Variants in PCDH9 observed in about 807,000 individuals in gnomAD.
The protein encoded by PCDH9 is protocadherin 9, also known as protocadherin-9.
In PCDH9, 24 loss-of-function variants were observed where a neutral mutation model predicts 70.6. The observed-to-expected ratio is 0.34, with a 90% CI of 0.25 to 0.48. The LOEUF is 0.48. Ranked by LOEUF, PCDH9 falls within the 20% of genes least tolerant of loss-of-function variation. The probability of loss-of-function intolerance (pLI) is 0.99; values close to 1 mark genes in which losing one functional copy is unlikely to be tolerated. For synonymous variants in PCDH9, 562 were observed against 558.5 expected, an observed-to-expected ratio of 1.01 and a Z score of -0.09; for missense variants, 1,281 against 1,503.6, an observed-to-expected ratio of 0.85 and a Z score of 2.45.
intron 4 of PCDH9, among the ~76,000 whole-genome samples, chr13:66,532,440 A>G (rs1247587930): frequency 6.6e-6 from 1 of 152,232 alleles, no homozygotes; most frequent in Non-Finnish European, 1.5e-5. Flanking sequence ...GACACTAAAA[A>G]TGAACTGTAA....
intron 3 of PCDH9, among the ~76,000 whole-genome samples, chr13:66,735,045 AG>A (rs2079127380): frequency 6.6e-6 from 1 of 152,214 alleles, no homozygotes; most frequent in South Asian, 2.1e-4. Context: ...TAGCTTGTTC[AG>A]TCACATGAAT....
intron 2 of PCDH9, among the ~76,000 whole-genome samples, chr13:66,951,947 T>A (rs1043808030): frequency 6.6e-6 from 1 of 151,192 alleles, no homozygotes; most frequent in Non-Finnish European, 1.5e-5. Context: ...ACATGGGGGG[T>A]GTTGTAATTA....
chr13:67,126,347 T>C lies in PCDH9; in HGVS notation c.3036+99058A>G, dbSNP rs575919119. Among the ~76,000 whole-genome samples, 3 of 152,256 alleles carry C rather than the reference T, an allele frequency of 2.0e-5. No homozygotes were observed. The East Asian group carries it at 5.8e-4, about 29-fold the overall frequency. Reference sequence around the variant, plus strand: ...AAAATATCAATTTAAAAACATATGGTTTTTTTAAAGATTGAATTTGTAGAT... The same window carrying C: ...AAAATATCAATTTAAAAACATATGGCTTTTTTAAAGATTGAATTTGTAGAT... On this transcript the variant is annotated intron_variant, in intron 2 of 4. Coordinates refer to ENST00000377865, the MANE Select transcript of PCDH9 (RefSeq NM_203487.3).
chr13:67,117,576 A>G (rs1052232856), intron 2 of PCDH9, among the ~76,000 whole-genome samples: 2 of 152,132 alleles, frequency 1.3e-5, no homozygotes, highest in Non-Finnish European at 2.9e-5. Context: ...TAAAGTATAA[A>G]TTTGTAGCCT....
At chr13:66,776,042 A>G (rs180709188) in intron 3 of PCDH9, among the ~76,000 whole-genome samples, 9 of 152,246 alleles carry the variant, frequency 5.9e-5, no homozygotes, top group African/African-American at 2.4e-5. Context: ...GTTGTTCAGG[A>G]TCTCACTCTG....
chr13:66,471,321 T>C (rs988834454), intron 4 of PCDH9, among the ~76,000 whole-genome samples: 1 of 152,196 alleles, frequency 6.6e-6, no homozygotes, highest in Non-Finnish European at 1.5e-5. Context: ...TAGCAGTAAC[T>C]CAGCTTCTGT....
intron 2 of PCDH9, among the ~76,000 whole-genome samples, chr13:67,193,856 C>G (rs1179688857): frequency 6.6e-6 from 1 of 152,084 alleles, no homozygotes; most frequent in Non-Finnish European, 1.5e-5. Context: ...GAAGTGAAAC[C>G]AGTTTTAAAT....
intron 4 of PCDH9, among the ~76,000 whole-genome samples, chr13:66,609,992 C>G (rs1157317873): frequency 7.4e-6 from 1 of 135,302 alleles, no homozygotes; most frequent in East Asian, 2.2e-4. Context: ...GAGTCTCGCT[C>G]TGTCGCCCAG....
chr13:66,609,975 T>TTTTTTTTTA (rs2077271540), intron 4 of PCDH9, among the ~76,000 whole-genome samples: 1 of 128,740 alleles, frequency 7.8e-6, no homozygotes, highest in African/African-American at 2.7e-5. Flanking sequence ...TTTTTTTTTT[T>TTTTTTTTTA]GAGACGGAGT....
chr13:67,054,612 A>G (rs987247659), intron 2 of PCDH9, among the ~76,000 whole-genome samples: 4 of 152,198 alleles, frequency 2.6e-5, no homozygotes, highest in Non-Finnish European at 4.4e-5. Flanking sequence ...AATTATGTTA[A>G]CATTCAACAT....
chr13:66,965,588 TATTAA>T (rs2083421070), intron 2 of PCDH9, among the ~76,000 whole-genome samples: 1 of 152,100 alleles, frequency 6.6e-6, no homozygotes, highest in Non-Finnish European at 1.5e-5. Flanking sequence ...CTTTTATTTA[TATTAA>T]ATTGTTTTTT....
intron 2 of PCDH9, among the ~76,000 whole-genome samples, chr13:67,178,391 A>C (rs780061881): frequency 2.9e-4 from 44 of 152,156 alleles, no homozygotes; most frequent in Admixed American, 3.9e-4. Context: ...TGAGATATTT[A>C]GCACACAATA....
At chr13:66,879,052 C>T (rs1270640598) in intron 3 of PCDH9, among the ~76,000 whole-genome samples, 1 of 152,032 alleles carries the variant, frequency 6.6e-6, no homozygotes, top group Non-Finnish European at 1.5e-5. Context: ...CAGTGAAGCT[C>T]TTATGTGTGA....
At chr13:66,802,206 T>C (rs2080337925) in intron 3 of PCDH9, among the ~76,000 whole-genome samples, 3 of 151,890 alleles carry the variant, frequency 2.0e-5, no homozygotes, top group African/African-American at 7.2e-5. Flanking sequence ...CAAAGTTTCA[T>C]CAATACAGTT....
chr13:67,061,338 T>G (rs1482203764), intron 2 of PCDH9, among the ~76,000 whole-genome samples: 1 of 151,916 alleles, frequency 6.6e-6, no homozygotes, highest in East Asian at 1.9e-4. Context: ...GCAAGGTATT[T>G]GAAAGTAAGA....
intron 4 of PCDH9, among the ~76,000 whole-genome samples, chr13:66,419,763 G>GT (rs35437080): frequency 0.05 from 7,109 of 142,264 alleles, 230 homozygotes; most frequent in Non-Finnish European, 0.069. Flanking sequence ...AGCTGCAGGA[G>GT]TTTTTTTTTT....
At chr13:66,515,455 G>A (rs1378238828) in intron 4 of PCDH9, among the ~76,000 whole-genome samples, 1 of 151,674 alleles carries the variant, frequency 6.6e-6, no homozygotes, top group Non-Finnish European at 1.5e-5. Flanking sequence ...TAAAAACATG[G>A]TATCATATAG....
intron 4 of PCDH9, among the ~76,000 whole-genome samples, 186 bp downstream of exon 4, chr13:66,631,024 C>T (rs1035723674): frequency 2.0e-5 from 3 of 152,026 alleles, no homozygotes; most frequent in African/African-American, 7.2e-5. Flanking sequence ...ACACATCATA[C>T]AATTTAACAG....
chr13:66,734,752 A>G (rs1021241357), intron 3 of PCDH9, among the ~76,000 whole-genome samples: 5 of 152,122 alleles, frequency 3.3e-5, no homozygotes, highest in African/African-American at 1.2e-4. Flanking sequence ...TATATATTCT[A>G]TGTCTCATAT....
Sources: allele counts gnomAD v4.1 joint callset (sites outside exome capture counted in the v4.1 genomes callset), GRCh38; gene constraint gnomAD v4.1.1; transcripts MANE v1.5; gene names NCBI Gene and HGNC (gene_info 2026-07-23, HGNC 2026-07-21).